Variants in DLC1 observed in about 807,000 individuals in gnomAD.
DLC1 encodes DLC1 Rho GTPase activating protein.
Under a neutral mutation model 140.3 loss-of-function variants are expected in DLC1, and 54 were observed. The ratio of observed to expected loss-of-function variants is 0.38; its 90% CI spans 0.31 to 0.48. The LOEUF is 0.48. DLC1 is among the 20% of genes least tolerant of loss of function. The probability of loss-of-function intolerance (pLI) is 0.96; values close to 1 mark genes in which losing one functional copy is unlikely to be tolerated. For missense variants in DLC1, 2,536 were observed against 1,907.0 expected, an observed-to-expected ratio of 1.33 and a Z score of -6.14; for synonymous variants, 986 against 728.1, an observed-to-expected ratio of 1.35 and a Z score of -5.70.
chr8:13,351,705 T>G (rs1282690762), intron 4 of DLC1, among the ~76,000 whole-genome samples: 1 of 152,142 alleles, frequency 6.6e-6, no homozygotes, highest in Non-Finnish European at 1.5e-5. Context: ...CCCACAGACT[T>G]AAAATATTCA....
At chr8:13,439,486 T>C (rs2116913691) in intron 2 of DLC1, among the ~76,000 whole-genome samples, 1 of 152,288 alleles carries the variant, frequency 6.6e-6, no homozygotes, top group Non-Finnish European at 1.5e-5. Flanking sequence ...TTTTCTTTTT[T>C]TTTTTAAATC....
intron 5 of DLC1, among the ~76,000 whole-genome samples, chr8:13,248,061 G>A (rs1829838937): frequency 6.6e-6 from 1 of 152,212 alleles, no homozygotes; most frequent in South Asian, 2.1e-4. Flanking sequence ...GAAGCTCCAG[G>A]AAAGCAGGCA....
chr8:13,124,138 G>C (rs1297190700), intron 5 of DLC1, among the ~76,000 whole-genome samples: 2 of 152,184 alleles, frequency 1.3e-5, no homozygotes, highest in Non-Finnish European at 2.9e-5. Flanking sequence ...CTCATGCATA[G>C]TTTTTCTTCT....
At chr8:13,187,684 A>T (rs2117007557) in intron 5 of DLC1, among the ~76,000 whole-genome samples, 1 of 152,328 alleles carries the variant, frequency 6.6e-6, no homozygotes, top group Non-Finnish European at 1.5e-5. Flanking sequence ...GGATATCTGG[A>T]CTCAGGAGAA....
intron 5 of DLC1, among the ~76,000 whole-genome samples, chr8:13,281,617 T>C (rs1445005664): frequency 2.0e-5 from 3 of 152,198 alleles, no homozygotes; most frequent in Non-Finnish European, 2.9e-5. Flanking sequence ...ACAGGCCTGG[T>C]GATCAAGGTT....
At chr8:13,587,477 A>G (rs918638723) in intron 1 of DLC1, among the ~76,000 whole-genome samples, 11 of 151,536 alleles carry the variant, frequency 7.3e-5, no homozygotes, top group Non-Finnish European at 1.6e-4. Context: ...AGAGCTTTAT[A>G]GAATCTGAAC....
chr8:13,222,807 A>C (rs1828620264), intron 5 of DLC1, among the ~76,000 whole-genome samples: 1 of 152,136 alleles, frequency 6.6e-6, no homozygotes, highest in South Asian at 2.1e-4. Context: ...GCAGCGATGC[A>C]ATCATAGCTC....
intron 5 of DLC1, among the ~76,000 whole-genome samples, chr8:13,197,075 T>C (rs930795591): frequency 2.0e-5 from 3 of 152,234 alleles, no homozygotes; most frequent in African/African-American, 7.2e-5. Flanking sequence ...TTCCTGTTTT[T>C]GTCTATTTCA....
At chr8:13,109,860 G>C (rs568436856) in intron 7 of DLC1, among the ~76,000 whole-genome samples, 1 of 151,944 alleles carries the variant, frequency 6.6e-6, no homozygotes, top group South Asian at 2.1e-4. Flanking sequence ...ACTCCAGCCT[G>C]GGCAACAAGA....
At chr8:13,543,804 GC>G (rs1291578050) in intron 1 of DLC1, among the ~76,000 whole-genome samples, 2 of 152,046 alleles carry the variant, frequency 1.3e-5, no homozygotes, top group African/African-American at 2.4e-5. Flanking sequence ...GTATGCAAAG[GC>G]ATACAAAGTG....
chr8:13,190,256 G>A (rs185363580), intron 5 of DLC1, among the ~76,000 whole-genome samples: 26 of 152,176 alleles, frequency 1.7e-4, no homozygotes, highest in Middle Eastern at 3.4e-3. Context: ...TGGTGGCCAC[G>A]AGTGGCTGTG....
intron 7 of DLC1, among the ~76,000 whole-genome samples, chr8:13,106,725 G>A (rs2128943222): frequency 1.3e-5 from 2 of 152,304 alleles, no homozygotes; most frequent in East Asian, 3.9e-4. Context: ...GGCATCTGAT[G>A]GACTGCTTTA....
chr8:13,489,076 C>A (rs900992635), intron 2 of DLC1, among the ~76,000 whole-genome samples: 4 of 152,006 alleles, frequency 2.6e-5, no homozygotes, highest in African/African-American at 7.2e-5. Context: ...GTCTCCCGAG[C>A]AGCTGGGATT....
At chr8:13,330,806 G>C (rs1027138693) in intron 4 of DLC1, among the ~76,000 whole-genome samples, 1 of 152,146 alleles carries the variant, frequency 6.6e-6, no homozygotes, top group Admixed American at 6.5e-5. Flanking sequence ...CAGACTCTCT[G>C]TGCCTCTACA....
Position 13,520,949 on chromosome 8 carries a change from G to C in DLC1, c.-125-20753C>G, listed in dbSNP as rs115502035. ...ATCCTCAATTCATGGCCAAAAAAAG[G>C]GTCCATATATCTTTAGTATGTTCAA... On this transcript the variant is annotated intron_variant, in intron 1 of 1. Transcript: ENST00000631382. Among the ~76,000 whole-genome samples the C allele has an allele frequency of 6.0e-3, 920 of 152,134 alleles. 12 individuals are homozygous for C. Among genetic ancestry groups the C allele is most frequent in the African/African-American group, 0.021 (890 of 41,486 alleles).
chr8:13,248,659 C>G (rs1336116418), intron 5 of DLC1, among the ~76,000 whole-genome samples: 2 of 152,158 alleles, frequency 1.3e-5, no homozygotes, highest in Non-Finnish European at 2.9e-5. Context: ...ATCTTTTTAT[C>G]CCCTGGGGTG....
At chr8:13,578,932 A>T (rs1804945038) in intron 1 of DLC1, among the ~76,000 whole-genome samples, 4 of 151,868 alleles carry the variant, frequency 2.6e-5, no homozygotes, top group Admixed American at 2.6e-4. Context: ...CCCTCCCCAG[A>T]GGTTGAGGGG....
chr8:13,166,990 A>G (rs1825152238), intron 5 of DLC1, among the ~76,000 whole-genome samples: 1 of 152,188 alleles, frequency 6.6e-6, no homozygotes, highest in South Asian at 2.1e-4. Flanking sequence ...AAGCGGGGTT[A>G]GAAAAATTTT....
chr8:13,401,044 C>T (rs749471903), intron 3 of DLC1, among the ~76,000 whole-genome samples: 4 of 152,100 alleles, frequency 2.6e-5, no homozygotes, highest in East Asian at 1.9e-4. Context: ...GTTCAACTGG[C>T]ATCCATCCAT....
Sources: allele counts gnomAD v4.1 joint callset (sites outside exome capture counted in the v4.1 genomes callset), GRCh38; gene constraint gnomAD v4.1.1; transcripts MANE v1.5; gene names NCBI Gene and HGNC (gene_info 2026-07-23, HGNC 2026-07-21).